The following HIRA variants were observed in gnomAD, a reference collection of about 807,000 sequenced individuals.
The protein encoded by HIRA is protein HIRA.
In HIRA, 13 loss-of-function variants were observed where a neutral mutation model predicts 126.6. The observed-to-expected ratio is 0.10, with a 90% CI of 0.07 to 0.16. The LOEUF (loss-of-function observed/expected upper bound fraction) is 0.16. Among genes scored for constraint, HIRA ranks in the 10% least tolerant of loss-of-function variants. The probability of loss-of-function intolerance (pLI) is 1.00; values close to 1 mark genes in which losing one functional copy is unlikely to be tolerated. For missense variants in HIRA, 834 were observed against 1,314.4 expected, an observed-to-expected ratio of 0.63 and a Z score of 5.65; for synonymous variants, 511 against 520.0, an observed-to-expected ratio of 0.98 and a Z score of 0.24.
At position 19,350,938 on chromosome 22, in the gene HIRA, G is replaced by A. The variant is rs142444945; in HGVS notation, c.2937+420C>T. ...GGCCTTCCTGGTCACTCCTTCCCAG[G>A]CACTCTCATCTGAAGACCCTGCTTA... On this transcript the variant is annotated intron_variant, in intron 24 of 24. Transcript: ENST00000263208. The A allele has an allele frequency of 6.4e-4, 104 of 163,714 alleles. 1 individual carries two copies. Among genetic ancestry groups the A allele is most frequent in the African/African-American group, 2.2e-3 (93 of 41,716 alleles). The allele number at this position is 163,714 out of a possible 1,614,324, so 10.1% of individuals were successfully genotyped here.
intron 15 of HIRA, among the ~76,000 whole-genome samples, chr22:19,373,230 GT>G (rs1341027357): frequency 2.0e-5 from 3 of 152,006 alleles, no homozygotes; most frequent in African/African-American, 7.2e-5. Flanking sequence ...TCCTCATTTT[GT>G]TTTAGCTTTT....
intron 9 of HIRA, among the ~76,000 whole-genome samples, chr22:19,390,587 G>T (rs112942180): frequency 1.9e-5 from 2 of 105,802 alleles, no homozygotes; most frequent in Admixed American, 1.2e-4. Context: ...GGGCAATAGA[G>T]GGAGACTCTG....
rs1348005200 is a variant in HIRA at position 19,390,531 on chromosome 22, C to T, written c.936+1570G>A. 2.3e-5 allele frequency among the ~76,000 whole-genome samples: 3 copies of T among 133,038 alleles called. No individual in the cohort carries two copies. The East Asian group carries it at 6.9e-4, about 31-fold the overall frequency. 87.3% of individuals were successfully genotyped at this position (133,038 alleles called of 152,430 possible). On this transcript the variant is annotated intron_variant, in intron 9 of 24. Transcript: ENST00000263208. ...GCTCGAACCCAGGAGGCAGAGGTTG[C>T]AGTGACTCAAGAAGCCAAGATTGCA...
chr22:19,426,484 C>G (rs1372554428), intron 1 of HIRA, among the ~76,000 whole-genome samples: 1 of 152,206 alleles, frequency 6.6e-6, no homozygotes, highest in Non-Finnish European at 1.5e-5. Flanking sequence ...CGTCAAGGTT[C>G]AGTCCAAGGA....
At chr22:19,418,694 G>A (rs114784206) in intron 1 of HIRA, among the ~76,000 whole-genome samples, 123 of 152,268 alleles carry the variant, frequency 8.1e-4, no homozygotes, top group African/African-American at 2.9e-3. Context: ...TGCAGTGGTA[G>A]ATACATGAAC....
intron 1 of HIRA, among the ~76,000 whole-genome samples, chr22:19,413,622 T>G (rs1007132535): frequency 6.6e-6 from 1 of 151,106 alleles, no homozygotes; most frequent in Admixed American, 6.6e-5. Context: ...TATTTATTTA[T>G]TTATTTATAG....
At chr22:19,348,252 C>G (rs2146182402) in intron 24 of HIRA, among the ~76,000 whole-genome samples, 1 of 152,202 alleles carries the variant, frequency 6.6e-6, no homozygotes, top group Admixed American at 6.5e-5. Context: ...ACTATTTCTA[C>G]AATAAATTTT....
Position 19,356,970 on chromosome 22 carries a change from G to A in HIRA, c.2316C>T (p.Leu772=), listed in dbSNP as rs782078591. The A allele has an allele frequency of 1.9e-6, 3 of 1,614,074 alleles. No homozygotes were observed. The highest frequency in any genetic ancestry group is 2.5e-6 in the Non-Finnish European group (3 of 1,180,010). The stretch of plus-strand genomic sequence containing the variant: ...GCAAAGTAGAGATCGGGGATGGCAG[G>A]AGGATGGGAGAGAGGAGACGGCGAC... ...TCGRRLLSPI[L]LPSPISTLHC... The change falls in exon 19 of 25, where the codon CTC becomes CTT. Residue 772 remains leucine (L), a synonymous_variant. Transcript: ENST00000263208.
chr22:19,370,899 G>A (rs945080216), intron 15 of HIRA, among the ~76,000 whole-genome samples: 5 of 152,186 alleles, frequency 3.3e-5, no homozygotes, highest in Non-Finnish European at 7.3e-5. Flanking sequence ...GGTCTTGTGA[G>A]ACCCTGTGGA....
intron 15 of HIRA, among the ~76,000 whole-genome samples, chr22:19,367,176 C>T (rs1490734915): frequency 6.6e-6 from 1 of 152,088 alleles, no homozygotes; most frequent in Non-Finnish European, 1.5e-5. Context: ...TACTTTAATA[C>T]AACTGTATGT....
At chr22:19,369,173 T>A (rs1271878908) in intron 15 of HIRA, among the ~76,000 whole-genome samples, 1 of 152,132 alleles carries the variant, frequency 6.6e-6, no homozygotes, top group Non-Finnish European at 1.5e-5. Context: ...GTCACTTACC[T>A]CAGGTCCCTA....
chr22:19,403,029 G>C (rs2146237287), intron 5 of HIRA, among the ~76,000 whole-genome samples: 1 of 151,114 alleles, frequency 6.6e-6, no homozygotes, highest in Non-Finnish European at 1.5e-5. Flanking sequence ...CCTGAGCCCA[G>C]GAGTTCAAGG....
chr22:19,377,858 C>T lies in HIRA; in HGVS notation c.1613+11G>A, dbSNP rs2089033735. 4 of 1,590,742 alleles carry T rather than the reference C, an allele frequency of 2.5e-6. No homozygotes were observed. The highest frequency in any genetic ancestry group is 3.4e-6 in the Non-Finnish European group (4 of 1,167,232). ...CCCCAGGGACAGGAACAAGCCTTGG[C>T]ACCCACTAACCTGTCTTTATTGACA... On this transcript the variant is annotated intron_variant, in intron 14 of 24. Coordinates refer to ENST00000263208, the MANE Select transcript of HIRA (RefSeq NM_003325.4).
At chr22:19,394,162 T>C (rs1171115981) in intron 8 of HIRA, among the ~76,000 whole-genome samples, 180 bp downstream of exon 8, 6 of 152,248 alleles carry the variant, frequency 3.9e-5, no homozygotes. Context: ...ACGATGTTCC[T>C]AACCCAAGAC....
At chr22:19,349,821 C>A (rs1430812514) in intron 24 of HIRA, among the ~76,000 whole-genome samples, 1 of 152,150 alleles carries the variant, frequency 6.6e-6, no homozygotes, top group African/African-American at 2.4e-5. Flanking sequence ...TCCTTTCACC[C>A]TTCTGCTACC....
intron 15 of HIRA, among the ~76,000 whole-genome samples, chr22:19,369,660 G>A (rs2088947020): frequency 6.6e-6 from 1 of 152,082 alleles, no homozygotes; most frequent in South Asian, 2.1e-4. Context: ...AAGGCCAGGT[G>A]CGGTGGCTCA....
rs2088860919 is a variant in HIRA at position 19,361,261 on chromosome 22, G to A, written c.2061C>T (p.Ser687=). Residue 687 remains serine, a synonymous_variant, in exon 17 of 25, where the codon AGC becomes AGT. Transcript: ENST00000263208. ...PALALKLPIP[S]PQRAFTLQVS... ...CCTGGAGGGTGAATGCTCTCTGGGG[G>A]CTTGGAATTGGCAGCTTCAGTGCAA... is the stretch of plus-strand genomic sequence containing the variant. The A allele has an allele frequency of 6.2e-7, 1 of 1,614,176 alleles. No homozygotes were observed. The highest frequency in any genetic ancestry group is 8.5e-7 in the Non-Finnish European group (1 of 1,179,982).
intron 1 of HIRA, among the ~76,000 whole-genome samples, chr22:19,411,227 C>T (rs775783912): frequency 9.9e-5 from 15 of 152,212 alleles, no homozygotes; most frequent in Non-Finnish European, 2.2e-4. Flanking sequence ...TCCAAACAGC[C>T]CTCTTTTGTT....
chr22:19,349,409 C>T (rs1006483676), intron 24 of HIRA, among the ~76,000 whole-genome samples: 25 of 152,244 alleles, frequency 1.6e-4, no homozygotes, highest in African/African-American at 6.0e-4. Context: ...GGCGATACAG[C>T]TGATTTTAAA....
Sources: gnomAD v4.1 joint callset for allele counts (sites outside exome capture counted in the v4.1 genomes callset) on GRCh38, gnomAD v4.1.1 for gene constraint, MANE v1.5 for transcripts, NCBI Gene and HGNC (gene_info 2026-07-23, HGNC 2026-07-21) for gene names.